The following ROCK2 variants were observed in gnomAD, a reference collection of about 807,000 sequenced individuals.
ROCK2 encodes the protein rho-associated protein kinase 2.
In ROCK2, 61 loss-of-function variants were observed where a neutral mutation model predicts 195.1. The ratio of observed to expected loss-of-function variants is 0.31; its 90% CI spans 0.25 to 0.39. The LOEUF (loss-of-function observed/expected upper bound fraction) is 0.39, where lower values mean the gene tolerates loss of function less well. Among genes scored for constraint, ROCK2 ranks in the 10% least tolerant of loss-of-function variants. The pLI, the probability that ROCK2 is intolerant of heterozygous loss-of-function variation, is 1.00. For synonymous variants in ROCK2, 504 were observed against 545.5 expected (o/e 0.92, Z 1.06); for missense variants, 1,109 against 1,637.4 (o/e 0.68, Z 5.57).
At position 11,317,601 on chromosome 2, in the gene ROCK2, TATATATATA is replaced by T. The variant is rs1181894315; in HGVS notation, c.141+26386_141+26394del. Among the ~76,000 whole-genome samples, 15 of 18,572 alleles carry T rather than the reference TATATATATA, an allele frequency of 8.1e-4. 1 individual carries two copies. The highest frequency in any genetic ancestry group is 1.8e-3 in the South Asian group (1 of 544). The allele number at this position is 18,572 out of a possible 152,430, so 12.2% of individuals were successfully genotyped here. A position where few individuals can be genotyped will look rare whatever the true frequency, so the allele number is the denominator to read the frequency against. On this transcript the variant is annotated intron_variant, in intron 1 of 32. Coordinates refer to ENST00000315872, the MANE Select transcript of ROCK2 (RefSeq NM_004850.5). Reference sequence around the variant, plus strand: ...TTATATATATATATATATATATATATATATATATATATTTTTTTTTTTTTTTAATTATAC... The same window carrying T: ...TTATATATATATATATATATATATATTATTTTTTTTTTTTTTTAATTATAC...
intron 3 of ROCK2, among the ~76,000 whole-genome samples, chr2:11,265,411 C>T (rs1189544154): frequency 6.6e-6 from 1 of 152,118 alleles, no homozygotes; most frequent in Non-Finnish European, 1.5e-5. Flanking sequence ...TCATCATTTA[C>T]ATAATTCTTA....
intron 1 of ROCK2, among the ~76,000 whole-genome samples, chr2:11,293,989 C>T (rs1020938402): frequency 3.3e-5 from 5 of 152,060 alleles, no homozygotes; most frequent in Non-Finnish European, 7.4e-5. Flanking sequence ...AAACTTGTCT[C>T]TACTAAAAAT....
intron 1 of ROCK2, among the ~76,000 whole-genome samples, chr2:11,333,429 T>G (rs1018948774): frequency 6.6e-6 from 1 of 152,162 alleles, no homozygotes; most frequent in Non-Finnish European, 1.5e-5. Flanking sequence ...CACTAGTAGA[T>G]ATAGAAGAAA....
At chr2:11,183,578 G>A in intron 32 of ROCK2, 138 bp from the exon 33 acceptor site, 1 of 595,842 alleles carries the variant, frequency 1.7e-6, no homozygotes, top group Non-Finnish European at 2.9e-6. Flanking sequence ...CTAAAATCAT[G>A]CATAAACATA....
chr2:11,334,665 C>T (rs1421579443), intron 1 of ROCK2, among the ~76,000 whole-genome samples: 1 of 139,672 alleles, frequency 7.2e-6, no homozygotes, highest in Non-Finnish European at 1.7e-5. Context: ...CAATGCTTAG[C>T]ATATTAAGCA....
chr2:11,197,786 C>A lies in ROCK2; in HGVS notation c.3100-81G>T, dbSNP rs1280691117. The A allele has an allele frequency of 6.6e-6, 6 of 903,308 alleles. No homozygotes were observed. In the South Asian group the frequency reaches 1.2e-4, roughly 18 times the overall value. 56.0% of individuals were successfully genotyped at this position (903,308 alleles called of 1,614,324 possible). Reference sequence around the variant, plus strand: ...TTTCTCAGTATCTCATCAAGAGCAACAAGTTATACAATCACAAATACTCTC... The same window carrying A: ...TTTCTCAGTATCTCATCAAGAGCAAAAAGTTATACAATCACAAATACTCTC... On this transcript the variant is annotated intron_variant, in intron 25 of 32. Coordinates refer to ENST00000315872, the MANE Select transcript of ROCK2 (RefSeq NM_004850.5). This position sits in a 1 kb window ranked among gnomAD's most constrained non-coding sequence, Gnocchi z 4.9.
In ROCK2 at chr2:11,214,427, C is replaced by A; in HGVS notation, c.1973G>T (p.Gly658Val). Residue 658 changes from glycine to valine, a missense_variant, in exon 17 of 33, where the codon GGC becomes GTC. Physicochemically the swap from Gly to Val is moderately radical, Grantham distance 109. Around this residue, in one of 6 missense-constraint regions of ROCK2, gnomAD observed 542 missense variants for 672.0 expected, o/e 0.81. Transcript: ENST00000315872. Reference protein sequence around the residue: ...ICGLEEDLKNGKILLAKVELE... With the variant: ...ICGLEEDLKNVKILLAKVELE... ...TTCTACTTTCGCTAGTAAGATTTTGCCGTTCTTTAAATCTTCTTCTAGGCC... is the reference window on the plus strand; with the variant it reads ...TTCTACTTTCGCTAGTAAGATTTTGACGTTCTTTAAATCTTCTTCTAGGCC... 1 of 1,610,036 alleles carries A rather than the reference C, an allele frequency of 6.2e-7. No homozygotes were observed. The highest frequency in any genetic ancestry group is 8.5e-7 in the Non-Finnish European group (1 of 1,177,162).
intron 23 of ROCK2, among the ~76,000 whole-genome samples, chr2:11,199,800 T>C (rs760908488): frequency 6.6e-5 from 10 of 152,228 alleles, no homozygotes; most frequent in Non-Finnish European, 1.3e-4. Context: ...TTGCTAAATA[T>C]TTATGCTGCT....
chr2:11,288,733 A>G (rs540403899), intron 1 of ROCK2, among the ~76,000 whole-genome samples: 1 of 140,284 alleles, frequency 7.1e-6, no homozygotes, highest in East Asian at 1.9e-4. Flanking sequence ...CCTTTAGGGG[A>G]CTTGGATAGG....
chr2:11,268,488 TTGTGTGTG>T (rs60063109), intron 3 of ROCK2, among the ~76,000 whole-genome samples: 1 of 149,652 alleles, frequency 6.7e-6, no homozygotes, highest in Non-Finnish European at 1.5e-5. Context: ...GTTTTTTTCC[TTGTGTGTG>T]TGTGTGTGTA....
intron 20 of ROCK2, 43 bp from the exon 21 acceptor site, chr2:11,202,164 T>C: frequency 6.7e-7 from 1 of 1,496,258 alleles, no homozygotes; most frequent in South Asian, 1.1e-5. Flanking sequence ...CTTACACATA[T>C]TTTAAACGAG....
intron 3 of ROCK2, among the ~76,000 whole-genome samples, chr2:11,255,321 AACTG>A (rs140542310): frequency 0.043 from 6,445 of 151,100 alleles, 288 homozygotes; most frequent in Non-Finnish European, 0.06. Flanking sequence ...AACAGCAAGT[AACTG>A]GACAGCCTAT....
intron 3 of ROCK2, among the ~76,000 whole-genome samples, chr2:11,281,470 G>A (rs1246158075): frequency 6.6e-6 from 1 of 152,174 alleles, no homozygotes; most frequent in Non-Finnish European, 1.5e-5. Context: ...CATCTATGTA[G>A]AGGATTCGAA....
chr2:11,318,667 G>A (rs919785372), intron 1 of ROCK2, among the ~76,000 whole-genome samples: 41 of 152,158 alleles, frequency 2.7e-4, no homozygotes, highest in African/African-American at 9.4e-4. Flanking sequence ...TAGACATGAA[G>A]TCCTTGCCCA....
intron 27 of ROCK2, among the ~76,000 whole-genome samples, chr2:11,195,729 A>T (rs1424264053): frequency 2.0e-5 from 3 of 152,100 alleles, no homozygotes; most frequent in Admixed American, 6.5e-5. Flanking sequence ...TGGCCAGGCT[A>T]GTCTCGAACT....
At position 11,194,929 on chromosome 2, in the gene ROCK2, G is replaced by A. The variant is rs201253398; in HGVS notation, c.3519+26C>T. ...AGTTAAAACAAAAACAAAAACAAAA[G>A]GCTCATATTCCAAAGTATCAATTAC... On this transcript the variant is annotated intron_variant, in intron 28 of 32. Coordinates refer to ENST00000315872, the MANE Select transcript of ROCK2 (RefSeq NM_004850.5). The A allele has an allele frequency of 5.1e-6, 7 of 1,374,222 alleles. No individual in the cohort carries two copies. In the Admixed American group the frequency reaches 1.0e-4, roughly 20 times the overall value. 85.1% of individuals were successfully genotyped at this position (1,374,222 alleles called of 1,614,324 possible). A position where few individuals can be genotyped will look rare whatever the true frequency, so the allele number is the denominator to read the frequency against.
At chr2:11,236,073 T>C in intron 4 of ROCK2, 111 bp from the exon 5 acceptor site, 3 of 961,460 alleles carry the variant, frequency 3.1e-6, no homozygotes, top group Non-Finnish European at 4.3e-6. Context: ...AACTATTTTA[T>C]AACCAAAACT....
chr2:11,325,667 C>T (rs748476575), intron 1 of ROCK2, among the ~76,000 whole-genome samples: 1 of 152,088 alleles, frequency 6.6e-6, no homozygotes, highest in Non-Finnish European at 1.5e-5. Context: ...TTTAACTTTT[C>T]TCTGAATGAA....
In ROCK2 at chr2:11,183,259, A is replaced by G. The variant is rs1663071048; in HGVS notation, c.*178T>C. 1.9e-6 allele frequency: 1 copy of G among 513,434 alleles called. No homozygotes were observed. The highest frequency in any genetic ancestry group is 2.0e-5 in the African/African-American group (1 of 49,518). 31.8% of individuals were successfully genotyped at this position (513,434 alleles called of 1,614,324 possible). On this transcript the variant is annotated 3_prime_UTR_variant, in exon 33 of 33. Transcript: ENST00000315872. ...TTGGTTCAACCTGTTGCTTCAAAGG[A>G]GCCCAGATTTGTAATTTATATTACA...
Sources: allele counts gnomAD v4.1 joint callset (sites outside exome capture counted in the v4.1 genomes callset), GRCh38; gene constraint gnomAD v4.1.1; regional missense constraint gnomAD v4.1.1; non-coding constraint Gnocchi (gnomAD v3.1); transcripts MANE v1.5; gene names NCBI Gene and HGNC (gene_info 2026-07-23, HGNC 2026-07-21).